The following FTO variants were observed in gnomAD, a reference collection of about 807,000 sequenced individuals.
FTO encodes the protein FTO alpha-ketoglutarate dependent dioxygenase.
Under a neutral mutation model 63.9 loss-of-function variants are expected in FTO, and 47 were observed. That is an observed-to-expected ratio of 0.74 (90% CI 0.58 to 0.94). The LOEUF is 0.94. Among genes scored for constraint, FTO ranks in the 40% least tolerant of loss-of-function variants. FTO has a pLI of 0.00. For missense variants in FTO, 562 were observed against 618.1 expected, an observed-to-expected ratio of 0.91 and a Z score of 0.96; for synonymous variants, 207 against 224.4, an observed-to-expected ratio of 0.92 and a Z score of 0.69.
chr16:53,782,997 T>C (rs1567981934), intron 1 of FTO, among the ~76,000 whole-genome samples: 2 of 152,200 alleles, frequency 1.3e-5, no homozygotes, highest in Non-Finnish European at 2.9e-5. Flanking sequence ...GTCAGAAGAA[T>C]TGGAATTTCT....
intron 8 of FTO, among the ~76,000 whole-genome samples, chr16:53,971,943 T>C (rs1170917391): frequency 2.0e-5 from 3 of 152,172 alleles, no homozygotes; most frequent in African/African-American, 7.2e-5. Context: ...CTCCATGTCT[T>C]AGATGGTTTT....
chr16:53,961,492 G>A lies in FTO; in HGVS notation c.1364+27383G>A, dbSNP rs780664774. Among the ~76,000 whole-genome samples, 4 of 152,170 alleles carry A rather than the reference G, an allele frequency of 2.6e-5. No homozygotes were observed. The South Asian group carries it at 8.3e-4, about 32-fold the overall frequency. On this transcript the variant is annotated intron_variant, in intron 8 of 8. Transcript: ENST00000471389. The stretch of plus-strand genomic sequence containing the variant: ...TGTTATTATTTCATATACTAAATTG[G>A]AGAAAATTGCAACAAGTATTAAATT...
intron 1 of FTO, among the ~76,000 whole-genome samples, chr16:53,741,251 A>G (rs1427141029): frequency 6.6e-6 from 1 of 152,240 alleles, no homozygotes; most frequent in African/African-American, 2.4e-5. Flanking sequence ...CTTTATAGAA[A>G]AAAAATCTGC....
intron 8 of FTO, among the ~76,000 whole-genome samples, chr16:54,087,106 A>G (rs533288557): frequency 6.6e-6 from 1 of 152,226 alleles, no homozygotes; most frequent in Non-Finnish European, 1.5e-5. Flanking sequence ...CTGTTTGAGC[A>G]TGTGTGCCCA....
chr16:53,931,871 A>AC (rs2082292335), intron 7 of FTO, among the ~76,000 whole-genome samples: 2 of 145,688 alleles, frequency 1.4e-5, no homozygotes, highest in African/African-American at 5.1e-5. Flanking sequence ...TTTTACATTA[A>AC]ACACACACAC....
intron 7 of FTO, among the ~76,000 whole-genome samples, chr16:53,901,694 C>T (rs548510856): frequency 2.6e-5 from 4 of 152,226 alleles, no homozygotes; most frequent in South Asian, 2.1e-4. Flanking sequence ...CGTAAATGGC[C>T]GTTGTTCACT....
chr16:53,845,982 C>T (rs889481789), intron 4 of FTO, among the ~76,000 whole-genome samples: 2 of 152,148 alleles, frequency 1.3e-5, no homozygotes, highest in African/African-American at 4.8e-5. Context: ...GTGAACATTG[C>T]TTTGCAGTTT....
intron 8 of FTO, among the ~76,000 whole-genome samples, chr16:54,008,174 C>T (rs1125339): frequency 6.6e-5 from 10 of 151,912 alleles, no homozygotes; most frequent in Admixed American, 2.0e-4. Context: ...ACCTTTGATA[C>T]GTCTAGACCT....
chr16:54,118,380 G>C lies in FTO; in HGVS notation c.*6465G>C, dbSNP rs1260889687. On this transcript the variant is annotated 3_prime_UTR_variant, in exon 9 of 9. Transcript: ENST00000471389. The stretch of plus-strand genomic sequence containing the variant: ...TTTTTTTTTTTCTTTTTTTTTTTCA[G>C]ACAGGGTCTCACCCTGTCACGTAGG... The C allele has an allele frequency of 8.2e-6, 1 of 122,646 alleles. No homozygotes were observed. The highest frequency in any genetic ancestry group is 2.9e-5 in the African/African-American group (1 of 34,918). 7.6% of individuals were successfully genotyped at this position (122,646 alleles called of 1,614,324 possible).
intron 6 of FTO, among the ~76,000 whole-genome samples, chr16:53,880,300 C>CTT (rs1338038082): frequency 6.6e-6 from 1 of 152,138 alleles, no homozygotes; most frequent in African/African-American, 2.4e-5. Context: ...CCTGGCAAGA[C>CTT]TTTCAAGAAT....
chr16:53,851,111 C>G (rs2079780016), intron 4 of FTO, among the ~76,000 whole-genome samples: 1 of 151,928 alleles, frequency 6.6e-6, no homozygotes. Context: ...CGCATGCTAT[C>G]TCTACTAATT....
rs2085384231 is a variant in FTO, at chr16:54,054,461, G to A, written c.1365-57301G>A. ...AGGAGAGAATAGAGCCAAGCTGATG[G>A]AATTAAAACTGCGTGATTCAGCCGG... On this transcript the variant is annotated intron_variant, in intron 8 of 8. Transcript: ENST00000471389. 2 of 152,144 alleles carry A rather than the reference G, an allele frequency of 1.3e-5. 1 individual carries two copies. Among genetic ancestry groups the A allele is most frequent in the South Asian group, 4.1e-4 (2 of 4,830 alleles). The allele number at this position is 152,144 out of a possible 1,614,324, so 9.4% of individuals were successfully genotyped here. A position where few individuals can be genotyped will look rare whatever the true frequency, so the allele number is the denominator to read the frequency against.
chr16:53,912,084 A>G (rs1032598917), intron 7 of FTO, among the ~76,000 whole-genome samples: 1 of 152,234 alleles, frequency 6.6e-6, no homozygotes. Context: ...AGGGACAAAC[A>G]TACCTTCCTT....
At chr16:53,902,808 G>A (rs2081435694) in intron 7 of FTO, among the ~76,000 whole-genome samples, 1 of 152,230 alleles carries the variant, frequency 6.6e-6, no homozygotes, top group Non-Finnish European at 1.5e-5. Flanking sequence ...GACACAGGAT[G>A]CAGAATTCAA....
At chr16:53,723,158 T>C (rs762292542) in intron 1 of FTO, among the ~76,000 whole-genome samples, 18 of 152,238 alleles carry the variant, frequency 1.2e-4, no homozygotes, top group Non-Finnish European at 2.2e-4. Context: ...TAAAGATATA[T>C]ATTTTATGTC....
intron 8 of FTO, among the ~76,000 whole-genome samples, chr16:53,950,701 A>G (rs1163342731): frequency 1.3e-5 from 2 of 152,232 alleles, no homozygotes; most frequent in Non-Finnish European, 1.5e-5. Flanking sequence ...ATAACACACA[A>G]ATAGAACAGT....
chr16:53,902,219 G>A (rs78407526), intron 7 of FTO, among the ~76,000 whole-genome samples: 2,473 of 152,206 alleles, frequency 0.016, 26 homozygotes, highest in Middle Eastern at 0.034. Context: ...CACCCTAATG[G>A]TACTCAAACT....
chr16:53,830,488 C>G (rs7204916), intron 3 of FTO, among the ~76,000 whole-genome samples: 1 of 152,010 alleles, frequency 6.6e-6, no homozygotes, highest in Admixed American at 6.5e-5. Flanking sequence ...GTTTCTTTGT[C>G]TGGAAGGAAA....
intron 4 of FTO, among the ~76,000 whole-genome samples, chr16:53,863,172 GAA>G (rs939539393): frequency 6.6e-6 from 1 of 152,152 alleles, no homozygotes. Flanking sequence ...GTGTCTTCTT[GAA>G]AAACTGAGAA....
Sources: allele counts gnomAD v4.1 joint callset (sites outside exome capture counted in the v4.1 genomes callset), GRCh38; gene constraint gnomAD v4.1.1; transcripts MANE v1.5; gene names NCBI Gene and HGNC (gene_info 2026-07-23, HGNC 2026-07-21).